Variants in PCDHGB6 observed in about 807,000 individuals in gnomAD.
PCDHGB6 encodes protocadherin gamma-B6.
Under a neutral mutation model 59.1 loss-of-function variants are expected in PCDHGB6, and 51 were observed. The observed-to-expected ratio is 0.86, with a 90% CI of 0.69 to 1.09. PCDHGB6 has a LOEUF of 1.09. PCDHGB6 is among the 50% of genes least tolerant of loss of function. The probability of loss-of-function intolerance (pLI) is 0.00; values close to 1 mark genes in which losing one functional copy is unlikely to be tolerated. For missense variants in PCDHGB6, 1,148 were observed against 1,205.1 expected, an observed-to-expected ratio of 0.95 and a Z score of 0.70; for synonymous variants, 466 against 495.1, an observed-to-expected ratio of 0.94 and a Z score of 0.78.
intron 1 of PCDHGB6, among the ~76,000 whole-genome samples, chr5:141,494,392 A>C (rs1296077484): frequency 1.3e-5 from 2 of 152,258 alleles, no homozygotes; most frequent in East Asian, 3.9e-4. Flanking sequence ...GAGTTGAATA[A>C]ATTCATTCTA....
rs537619617 is a variant in PCDHGB6 at position 141,483,429 on chromosome 5, C to G, written c.2419-11378C>G. On this transcript the variant is annotated intron_variant, in intron 1 of 3. Coordinates refer to ENST00000520790, the MANE Select transcript of PCDHGB6 (RefSeq NM_018926.3). ...ACAGTGGCAGTACAGATGGAGGGAGCTGACTACAATAAAATCATCAGGACT... is the reference window on the plus strand; with the variant it reads ...ACAGTGGCAGTACAGATGGAGGGAGGTGACTACAATAAAATCATCAGGACT... Among the ~76,000 whole-genome samples the G allele has an allele frequency of 5.3e-5, 8 of 152,158 alleles. No individual in the cohort carries two copies. In the East Asian group the frequency reaches 1.5e-3, roughly 29 times the overall value.
rs1464357405 is a variant in PCDHGB6 at position 141,476,385 on chromosome 5, A to G, written c.2419-18422A>G. On this transcript the variant is annotated intron_variant, in intron 1 of 3. Coordinates refer to ENST00000520790, the MANE Select transcript of PCDHGB6 (RefSeq NM_018926.3). The surrounding 1 kb of genome is among the most constrained non-coding windows in gnomAD (Gnocchi z 7.6). ...GAGACCGGAGAGATGTTTGTGAACG[A>G]CCGTCTGGATCGAGAGGAGCTGTGT... The G allele has an allele frequency of 4.3e-6, 7 of 1,614,062 alleles. No homozygotes were observed. The highest frequency in any genetic ancestry group is 5.9e-6 in the Non-Finnish European group (7 of 1,180,020).
chr5:141,427,103 G>A (rs1216465844), intron 1 of PCDHGB6: 3 of 457,888 alleles, frequency 6.6e-6, no homozygotes, highest in Non-Finnish European at 1.3e-5. Flanking sequence ...GTGTCAATGC[G>A]GAGATCACCT....
Position 141,409,216 on chromosome 5 carries a change from T to G in PCDHGB6, c.1014T>G (p.Leu338=), listed in dbSNP as rs368791778. 9.9e-6 allele frequency: 16 copies of G among 1,613,886 alleles called. No individual in the cohort carries two copies. The African/African-American group carries it at 1.1e-4, about 11-fold the overall frequency. ...STQCKVIIEI[L]DENDNSPEII... ...AGTGTAAAGTAATCATAGAAATCCT[T>G]GATGAAAACGACAACAGCCCAGAAA... is the stretch of plus-strand genomic sequence containing the variant. The change falls in exon 1 of 4, where the codon CTT becomes CTG. Residue 338 remains leucine, a synonymous_variant. Coordinates refer to ENST00000520790, the MANE Select transcript of PCDHGB6 (RefSeq NM_018926.3).
chr5:141,443,392 T>C (rs151260637), intron 1 of PCDHGB6, among the ~76,000 whole-genome samples: 1,653 of 151,736 alleles, frequency 0.011, 7 homozygotes, highest in Middle Eastern at 0.038. Flanking sequence ...GGCTGAGGTG[T>C]GAGGATCACC....
At chr5:141,469,468 G>A (rs62379200) in intron 1 of PCDHGB6, among the ~76,000 whole-genome samples, 32,669 of 151,998 alleles carry the variant, frequency 0.21, 3,638 homozygotes, top group African/African-American at 0.27. Context: ...TCAGCTACTC[G>A]GGAGGCTGAG....
intron 1 of PCDHGB6, chr5:141,421,959 A>G (rs2096614103): frequency 1.9e-6 from 3 of 1,612,798 alleles, no homozygotes; most frequent in East Asian, 2.2e-5. Flanking sequence ...CAATGTTTAC[A>G]CAGTCCGTAT....
At chr5:141,447,023 G>GT (rs5871773) in intron 1 of PCDHGB6, among the ~76,000 whole-genome samples, 28,105 of 151,474 alleles carry the variant, frequency 0.19, 2,731 homozygotes, top group African/African-American at 0.24. Context: ...GTTTTGTTTT[G>GT]TTTTTTTTCT....
Position 141,489,090 on chromosome 5 carries a change from C to CCAA in PCDHGB6, c.2419-5717_2419-5716insCAA, listed in dbSNP as rs2099682444. 1 of 328,824 alleles carries CCAA rather than the reference C, an allele frequency of 3.0e-6. No individual in the cohort carries two copies. Among genetic ancestry groups the CCAA allele is most frequent in the Admixed American group, 6.1e-5 (1 of 16,500 alleles). The allele number at this position is 328,824 out of a possible 1,614,324, so 20.4% of individuals were successfully genotyped here. ...CCTGCCCACCCCCGCCACTCGGTGA[C>CCAA]TAAGAACTGCTGCAAGCAGGCAAAC... On this transcript the variant is annotated intron_variant, in intron 1 of 3. Transcript: ENST00000520790. This position sits in a 1 kb window ranked among gnomAD's most constrained non-coding sequence, Gnocchi z 4.5.
chr5:141,477,453 A>G lies in PCDHGB6; in HGVS notation c.2419-17354A>G, dbSNP rs886363658. 1 of 1,614,018 alleles carries G rather than the reference A, an allele frequency of 6.2e-7. No homozygotes were observed. Among genetic ancestry groups the G allele is most frequent in the African/African-American group, 1.3e-5 (1 of 74,910 alleles). The stretch of plus-strand genomic sequence containing the variant: ...TCAGCCCTTACAATAGTGCGTGTTC[A>G]AGTGTCCGACATCAATGACAACCCT... On this transcript the variant is annotated intron_variant, in intron 1 of 3. Coordinates refer to ENST00000520790, the MANE Select transcript of PCDHGB6 (RefSeq NM_018926.3). This position sits in a 1 kb window ranked among gnomAD's most constrained non-coding sequence, Gnocchi z 4.9.
At chr5:141,443,328 A>C (rs569134076) in intron 1 of PCDHGB6, among the ~76,000 whole-genome samples, 24 of 151,794 alleles carry the variant, frequency 1.6e-4, no homozygotes, top group African/African-American at 4.8e-4. Context: ...AAAAAAAAAA[A>C]ACAAAAATTA....
Position 141,408,776 on chromosome 5 carries a change from C to A in PCDHGB6, c.574C>A (p.Pro192Thr). ...AGTTAATTCCGATGGTGGCAAATAC[C>A]CAGAGTTATCTCTGGAGAAACTCCT... is the stretch of plus-strand genomic sequence containing the variant. The part of the protein sequence containing the change: ...VRVNSDGGKY[P>T]ELSLEKLLDR... Residue 192 changes from proline to threonine, a missense_variant, in exon 1 of 4, where the codon CCA (proline) becomes ACA (threonine). Pro to Thr is a conservative substitution (Grantham distance 38). Around this residue, in one of 5 missense-constraint regions of PCDHGB6, gnomAD observed 307 missense variants for 323.8 expected, o/e 0.95. Transcript: ENST00000520790. The A allele has an allele frequency of 1.2e-6, 2 of 1,611,684 alleles. No homozygotes were observed. Among genetic ancestry groups the A allele is most frequent in the Non-Finnish European group, 1.7e-6 (2 of 1,178,832 alleles).
At chr5:141,420,218 C>T (rs762476625) in intron 1 of PCDHGB6, 11 of 1,608,290 alleles carry the variant, frequency 6.8e-6, no homozygotes, top group Admixed American at 1.7e-5. Flanking sequence ...AGATAGCATG[C>T]TACTGGCTAG....
In PCDHGB6 at chr5:141,491,365, T is replaced by A. The variant is rs201011046; in HGVS notation, c.2419-3442T>A. ...CGTCAGTCTCTTATCCCTAGTCACC[T>A]TCACCTTTCTGTCAGCGAAGTGCCT... On this transcript the variant is annotated intron_variant, in intron 1 of 3. Transcript: ENST00000520790. This position sits in a 1 kb window ranked among gnomAD's most constrained non-coding sequence, Gnocchi z 6.9. 1.7e-5 allele frequency: 27 copies of A among 1,614,016 alleles called. No individual in the cohort carries two copies. The highest frequency in any genetic ancestry group is 2.0e-5 in the Non-Finnish European group (24 of 1,179,982).
chr5:141,477,298 T>C lies in PCDHGB6; in HGVS notation c.2419-17509T>C. ...TGGTGACCTGCGAAGTTCCACCGGG[T>C]CTCCCTTTCAGCCTTACTTCTTCCC... On this transcript the variant is annotated intron_variant, in intron 1 of 3. Coordinates refer to ENST00000520790, the MANE Select transcript of PCDHGB6 (RefSeq NM_018926.3). This position sits in a 1 kb window ranked among gnomAD's most constrained non-coding sequence, Gnocchi z 4.9. 1 of 1,613,344 alleles carries C rather than the reference T, an allele frequency of 6.2e-7. No individual in the cohort carries two copies. Among genetic ancestry groups the C allele is most frequent in the Non-Finnish European group, 8.5e-7 (1 of 1,179,870 alleles).
intron 1 of PCDHGB6, chr5:141,418,478 G>A (rs777772131): frequency 1.2e-6 from 2 of 1,613,858 alleles, no homozygotes; most frequent in Non-Finnish European, 1.7e-6. Flanking sequence ...AACGCAGAGC[G>A]CTCACCACTT....
intron 1 of PCDHGB6, among the ~76,000 whole-genome samples, chr5:141,479,053 A>G (rs534968614): frequency 9.2e-5 from 14 of 152,334 alleles, no homozygotes; most frequent in African/African-American, 3.1e-4. Context: ...TCATTCTCAG[A>G]TAATTTTTTA....
In PCDHGB6 at chr5:141,432,446, C is replaced by T. The variant is rs765059815; in HGVS notation, c.2418+21826C>T. The T allele has an allele frequency of 1.2e-6, 2 of 1,614,256 alleles. No individual in the cohort carries two copies. Among genetic ancestry groups the T allele is most frequent in the Non-Finnish European group, 8.5e-7 (1 of 1,180,052 alleles). On this transcript the variant is annotated intron_variant, in intron 1 of 3. Transcript: ENST00000520790. The surrounding 1 kb of genome is among the most constrained non-coding windows in gnomAD (Gnocchi z 6.0). ...CCAGAACGACAATGCGCCCGAGATC[C>T]TGTACCCCGCCCTCCCCACGGACGG...
chr5:141,506,246 C>T (rs1049014492), intron 3 of PCDHGB6, among the ~76,000 whole-genome samples: 3 of 151,958 alleles, frequency 2.0e-5, no homozygotes, highest in South Asian at 4.2e-4. Context: ...GTCAGGAGTT[C>T]GAAACCGGCC....
Sources: gnomAD v4.1 joint callset for allele counts (sites outside exome capture counted in the v4.1 genomes callset) on GRCh38, gnomAD v4.1.1 for gene constraint, gnomAD v4.1.1 regional missense constraint, Gnocchi (gnomAD v3.1) non-coding constraint, MANE v1.5 for transcripts, NCBI Gene and HGNC (gene_info 2026-07-23, HGNC 2026-07-21) for gene names.